The following ARHGAP28 variants were observed in gnomAD, a reference collection of about 807,000 sequenced individuals.
ARHGAP28 encodes the protein rho GTPase-activating protein 28.
Under a neutral mutation model 90.7 loss-of-function variants are expected in ARHGAP28, and 56 were observed. The observed-to-expected ratio is 0.62, with a 90% confidence interval of 0.50 to 0.77. ARHGAP28 has a LOEUF of 0.77. Ranked by LOEUF, ARHGAP28 falls within the 30% of genes least tolerant of loss-of-function variation. ARHGAP28 has a pLI of 0.00. For missense variants in ARHGAP28, 869 were observed against 900.9 expected, an observed-to-expected ratio of 0.96 and a Z score of 0.45; for synonymous variants, 308 against 323.3, an observed-to-expected ratio of 0.95 and a Z score of 0.51.
Position 6,907,531 on chromosome 18 carries a change from G to GA in ARHGAP28, c.2031-1422dup, listed in dbSNP as rs574419997. Among the ~76,000 whole-genome samples, 411 of 150,234 alleles carry GA rather than the reference G, an allele frequency of 2.7e-3. 2 individuals carry two copies. The highest frequency in any genetic ancestry group is 9.7e-3 in the African/African-American group (393 of 40,634). On this transcript the variant is annotated intron_variant, in intron 16 of 17. Coordinates refer to ENST00000383472, the MANE Select transcript of ARHGAP28 (RefSeq NM_001366230.1). ...TCTCTAGGGATTTATGCCAAGTGGG[G>GA]AAAAAAAGGCAATACAAAAATGTTT...
intron 9 of ARHGAP28, among the ~76,000 whole-genome samples, chr18:6,874,417 T>C (rs146779736): frequency 1.3e-5 from 2 of 152,334 alleles, no homozygotes; most frequent in Non-Finnish European, 2.9e-5. Context: ...GTGACTATTG[T>C]TGCTGAATAC....
rs776640886 is a variant in ARHGAP28, at chr18:6,870,739, A to C, written c.954+7A>C. On this transcript the variant is annotated splice_region_variant and intron_variant, in intron 7 of 17. Transcript: ENST00000383472. ...AGAAGACTATGTTTTAACTGTAAGCAAAACCTTTCATGATTATTCCAGGAA... is the reference window on the plus strand; with the variant it reads ...AGAAGACTATGTTTTAACTGTAAGCCAAACCTTTCATGATTATTCCAGGAA... 2.1e-5 allele frequency: 34 copies of C among 1,590,714 alleles called. 1 individual carries two copies. The highest frequency in any genetic ancestry group is 1.7e-4 in the Middle Eastern group (1 of 5,882).
At chr18:6,779,507 A>G (rs550923351) in intron 1 of ARHGAP28, among the ~76,000 whole-genome samples, 1 of 152,316 alleles carries the variant, frequency 6.6e-6, no homozygotes, top group South Asian at 2.1e-4. Flanking sequence ...CACTGTGTTT[A>G]TATTAGAGGC....
intron 1 of ARHGAP28, among the ~76,000 whole-genome samples, chr18:6,782,591 T>C (rs12955137): frequency 2.2e-5 from 2 of 89,906 alleles, no homozygotes; most frequent in African/African-American, 1.0e-4. Flanking sequence ...CTAATTTTTG[T>C]ATTTTTTTTT....
chr18:6,867,581 A>G lies in ARHGAP28; in HGVS notation c.727-569A>G, dbSNP rs539612260. ...CTGAAGGGGAGTTCAGTGCTCTGGCAGGATTTCAATTTAAAAAATACCAAA... is the reference window on the plus strand; with the variant it reads ...CTGAAGGGGAGTTCAGTGCTCTGGCGGGATTTCAATTTAAAAAATACCAAA... On this transcript the variant is annotated intron_variant, in intron 5 of 17. Coordinates refer to ENST00000383472, the MANE Select transcript of ARHGAP28 (RefSeq NM_001366230.1). Among the ~76,000 whole-genome samples the G allele has an allele frequency of 5.3e-5, 8 of 152,290 alleles. No homozygotes were observed. In the South Asian group the frequency reaches 8.3e-4, roughly 16 times the overall value.
At position 6,915,603 on chromosome 18, in the gene ARHGAP28, C is replaced by T. The variant is rs1472593042; in HGVS notation, c.*3449C>T. On this transcript the variant is annotated 3_prime_UTR_variant, in exon 18 of 18. Transcript: ENST00000383472. ...ACTAGAAAACGCCAATGTTTTATGTCTTTGCCCATCTCAAAAGCTAATATT... is the reference window on the plus strand; with the variant it reads ...ACTAGAAAACGCCAATGTTTTATGTTTTTGCCCATCTCAAAAGCTAATATT... 1 of 152,158 alleles carries T rather than the reference C, an allele frequency of 6.6e-6. No individual in the cohort carries two copies. Among genetic ancestry groups the T allele is most frequent in the Admixed American group, 6.5e-5 (1 of 15,276 alleles). 9.4% of individuals were successfully genotyped at this position (152,158 alleles called of 1,614,324 possible). A position where few individuals can be genotyped will look rare whatever the true frequency, so the allele number is the denominator to read the frequency against.
Position 6,729,909 on chromosome 18 carries a change from G to T in ARHGAP28, c.88G>T (p.Ala30Ser). Residue 30 changes from alanine (A) to serine (S), a missense_variant, in exon 1 of 18, where the codon GCG becomes TCG. Transcript: ENST00000383472. ...AQPPNAESRC[A>S]PRAAASHPLS... ...GCCCCCCAACGCCGAGTCGCGCTGC[G>T]CGCCCCGCGCCGCAGCCAGCCACCC... The T allele has an allele frequency of 7.1e-7, 1 of 1,411,222 alleles. No individual in the cohort carries two copies. Among genetic ancestry groups the T allele is most frequent in the Non-Finnish European group, 9.2e-7 (1 of 1,084,722 alleles). The allele number at this position is 1,411,222 out of a possible 1,614,324, so 87.4% of individuals were successfully genotyped here.
chr18:6,887,429 T>TA (rs2057230778), intron 12 of ARHGAP28, among the ~76,000 whole-genome samples, 190 bp downstream of exon 12: 1 of 74,660 alleles, frequency 1.3e-5, no homozygotes, highest in Non-Finnish European at 3.0e-5. Flanking sequence ...CTTGGTATCT[T>TA]GTTTTTTTTT....
At chr18:6,882,109 AAT>A in intron 10 of ARHGAP28, 26 bp from the exon 11 acceptor site, 1 of 1,597,722 alleles carries the variant, frequency 6.3e-7, no homozygotes, top group South Asian at 1.1e-5. Context: ...AAGTGCATTG[AAT>A]ACTGACTGTT....
chr18:6,796,177 C>A (rs1485070473), intron 1 of ARHGAP28, among the ~76,000 whole-genome samples: 2 of 152,214 alleles, frequency 1.3e-5, no homozygotes, highest in Non-Finnish European at 2.9e-5. Context: ...GATTTCTGTA[C>A]CAGTGAGCAC....
At chr18:6,811,236 A>T (rs2056554057) in intron 1 of ARHGAP28, among the ~76,000 whole-genome samples, 1 of 152,194 alleles carries the variant, frequency 6.6e-6, no homozygotes, top group African/African-American at 2.4e-5. Flanking sequence ...CTTTCTACAA[A>T]CTTACTGATG....
intron 3 of ARHGAP28, among the ~76,000 whole-genome samples, chr18:6,847,982 C>G (rs2143210760): frequency 6.6e-6 from 1 of 152,178 alleles, no homozygotes; most frequent in East Asian, 1.9e-4. Flanking sequence ...CTGTTTCTAC[C>G]AGGAAAGTTC....
At chr18:6,857,221 C>A (rs949506883) in intron 4 of ARHGAP28, among the ~76,000 whole-genome samples, 21 of 152,228 alleles carry the variant, frequency 1.4e-4, no homozygotes, top group African/African-American at 4.8e-4. Context: ...TAACTAAATT[C>A]TATCATTAAA....
intron 5 of ARHGAP28, among the ~76,000 whole-genome samples, chr18:6,861,106 T>C (rs1422168466): frequency 2.6e-5 from 4 of 152,222 alleles, no homozygotes; most frequent in Non-Finnish European, 5.9e-5. Context: ...TCTTACACAG[T>C]TGTGCTATTC....
intron 5 of ARHGAP28, 107 bp downstream of exon 5, chr18:6,860,004 CT>C (rs1362063062): frequency 1.0e-6 from 1 of 980,870 alleles, no homozygotes; most frequent in Non-Finnish European, 1.5e-6. Flanking sequence ...TTAAAAAATA[CT>C]TGAGCTAAGA....
intron 16 of ARHGAP28, among the ~76,000 whole-genome samples, chr18:6,900,231 G>T (rs1450568738): frequency 6.6e-6 from 1 of 151,818 alleles, no homozygotes; most frequent in Admixed American, 6.6e-5. Flanking sequence ...AAGCCCCAGA[G>T]TCTCAACATA....
intron 7 of ARHGAP28, among the ~76,000 whole-genome samples, chr18:6,870,940 A>G (rs1182460787): frequency 1.3e-5 from 2 of 152,072 alleles, no homozygotes; most frequent in Admixed American, 6.5e-5. Flanking sequence ...AGCTGGGACT[A>G]CAGGCACCTG....
At chr18:6,772,521 T>C (rs115413722) in intron 1 of ARHGAP28, among the ~76,000 whole-genome samples, 129 of 152,334 alleles carry the variant, frequency 8.5e-4, no homozygotes, top group African/African-American at 1.5e-3. Context: ...TCACTTTCAG[T>C]ACAGTATTCA....
At chr18:6,777,708 G>A (rs1320099143) in intron 1 of ARHGAP28, among the ~76,000 whole-genome samples, 1 of 152,126 alleles carries the variant, frequency 6.6e-6, no homozygotes, top group Non-Finnish European at 1.5e-5. Context: ...CTGGGCAACA[G>A]AGCAAGACCC....
Sources: gnomAD v4.1 joint callset for allele counts (sites outside exome capture counted in the v4.1 genomes callset) on GRCh38, gnomAD v4.1.1 for gene constraint, MANE v1.5 for transcripts, NCBI Gene and HGNC (gene_info 2026-07-23, HGNC 2026-07-21) for gene names.